The following CAMK1D variants were observed in gnomAD, a reference collection of about 807,000 sequenced individuals.
CAMK1D encodes calcium/calmodulin dependent protein kinase ID.
CAMK1D carries 9 observed loss-of-function variants against 47.7 expected under a neutral mutation model. That is an observed-to-expected ratio of 0.19 (90% CI 0.11 to 0.33). The LOEUF is 0.33. Ranked by LOEUF, CAMK1D falls within the 10% of genes least tolerant of loss-of-function variation. The pLI, the probability that CAMK1D is intolerant of heterozygous loss-of-function variation, is 1.00. For synonymous variants in CAMK1D, 184 were observed against 184.9 expected (o/e 0.99, Z 0.04); for missense variants, 291 against 488.7 (o/e 0.60, Z 3.81).
chr10:12,655,649 A>G (rs887021292), intron 2 of CAMK1D, among the ~76,000 whole-genome samples: 8 of 152,218 alleles, frequency 5.3e-5, no homozygotes, highest in African/African-American at 1.7e-4. Flanking sequence ...GATTTTTCAC[A>G]CTGAACTGGA....
chr10:12,753,187 G>C (rs569428930), intron 3 of CAMK1D, among the ~76,000 whole-genome samples: 2 of 152,348 alleles, frequency 1.3e-5, no homozygotes, highest in East Asian at 1.9e-4. Flanking sequence ...GGGAGGCAGA[G>C]GTTGCAGTGA....
chr10:12,712,193 G>T (rs962757435), intron 3 of CAMK1D, among the ~76,000 whole-genome samples: 1 of 152,182 alleles, frequency 6.6e-6, no homozygotes, highest in Non-Finnish European at 1.5e-5. Context: ...GGGAAGCTCC[G>T]CTCTCCTTCA....
chr10:12,593,609 C>A (rs745738720), intron 2 of CAMK1D, among the ~76,000 whole-genome samples: 3 of 152,108 alleles, frequency 2.0e-5, no homozygotes, highest in Non-Finnish European at 2.9e-5. Flanking sequence ...AACAAACAAA[C>A]AAAAATCAGA....
intron 5 of CAMK1D, among the ~76,000 whole-genome samples, chr10:12,789,142 C>A (rs1041772578): frequency 6.6e-6 from 1 of 152,186 alleles, no homozygotes; most frequent in Non-Finnish European, 1.5e-5. Flanking sequence ...TGTGTCCAAC[C>A]CCCGGAGGAC....
chr10:12,378,038 G>A (rs1184204392), intron 1 of CAMK1D, among the ~76,000 whole-genome samples: 2 of 152,160 alleles, frequency 1.3e-5, no homozygotes, highest in African/African-American at 2.4e-5. Context: ...CCAGGCATGC[G>A]GCCCAGCTCA....
At chr10:12,693,988 TAC>T (rs1217707609) in intron 3 of CAMK1D, among the ~76,000 whole-genome samples, 10 of 56,502 alleles carry the variant, frequency 1.8e-4, no homozygotes, top group South Asian at 1.2e-3. Flanking sequence ...ATATTATATA[TAC>T]ATATAATATA....
chr10:12,437,139 A>ATCTG (rs1449946827), intron 1 of CAMK1D, among the ~76,000 whole-genome samples: 3 of 150,318 alleles, frequency 2.0e-5, no homozygotes, highest in South Asian at 2.1e-4. Flanking sequence ...CAGACCGACT[A>ATCTG]TCTATCTATC....
chr10:12,619,786 A>T (rs138786583), intron 2 of CAMK1D, among the ~76,000 whole-genome samples: 1 of 152,192 alleles, frequency 6.6e-6, no homozygotes, highest in African/African-American at 2.4e-5. Flanking sequence ...TACAAGCAGG[A>T]TACAAAAGCT....
rs79717241 is a variant in CAMK1D, at chr10:12,794,960, G to A, written c.641+3727G>A. ...GGTTGGTACTCTGTTGAGAGGCATC[G>A]AGTCTGTATCATCTTTCCATGTTTC... On this transcript the variant is annotated intron_variant, in intron 6 of 10. Coordinates refer to ENST00000619168, the MANE Select transcript of CAMK1D (RefSeq NM_153498.4). 6.6e-3 allele frequency among the ~76,000 whole-genome samples: 1,009 copies of A among 152,240 alleles called. 6 individuals carry two copies. The highest frequency in any genetic ancestry group is 0.034 in the Middle Eastern group (10 of 294).
intron 1 of CAMK1D, among the ~76,000 whole-genome samples, chr10:12,474,858 C>T (rs578091789): frequency 2.4e-5 from 3 of 122,914 alleles, no homozygotes; most frequent in East Asian, 3.3e-4. Flanking sequence ...TTTGGTTTTG[C>T]GTTCCTGCAT....
intron 2 of CAMK1D, among the ~76,000 whole-genome samples, chr10:12,561,641 T>C (rs1205260230): frequency 3.9e-5 from 6 of 152,250 alleles, no homozygotes; most frequent in Admixed American, 3.9e-4. Flanking sequence ...GATCGTTGTT[T>C]ATTTCATCCT....
Position 12,671,145 on chromosome 10 carries a change from A to T in CAMK1D, c.299+4335A>T, listed in dbSNP as rs1470369975. ...ATGTATCAGTACTTCATTCCTTTTT[A>T]TTACCAAATAATATTTTATTATCTG... is the stretch of plus-strand genomic sequence containing the variant. On this transcript the variant is annotated intron_variant, in intron 3 of 10. Transcript: ENST00000619168. 2.0e-5 allele frequency among the ~76,000 whole-genome samples: 3 copies of T among 152,104 alleles called. No individual in the cohort carries two copies. The East Asian group carries it at 5.8e-4, about 29-fold the overall frequency.
intron 1 of CAMK1D, among the ~76,000 whole-genome samples, chr10:12,375,136 C>T (rs1838139463): frequency 1.3e-5 from 2 of 151,924 alleles, no homozygotes; most frequent in East Asian, 1.9e-4. Flanking sequence ...CTGATGCAAC[C>T]GAAATCTTCA....
chr10:12,627,995 C>T (rs895043342), intron 2 of CAMK1D, among the ~76,000 whole-genome samples: 3 of 151,634 alleles, frequency 2.0e-5, no homozygotes, highest in African/African-American at 2.4e-5. Context: ...GCAGGGGAAT[C>T]GCTTGAACCT....
rs141498705 is a variant in CAMK1D, at chr10:12,495,480, C to T, written c.93-57745C>T. ...CTGTTTTAATAGGTCAGTTTTTTTC[C>T]AGTTTTAAAAAATTTTAACTGAATT... On this transcript the variant is annotated intron_variant, in intron 1 of 10. Transcript: ENST00000619168. 3.3e-5 allele frequency among the ~76,000 whole-genome samples: 5 copies of T among 152,236 alleles called. No homozygotes were observed. In the Middle Eastern group the frequency reaches 0.01, roughly 311 times the overall value.
At chr10:12,378,383 C>T (rs1005328296) in intron 1 of CAMK1D, among the ~76,000 whole-genome samples, 2 of 151,946 alleles carry the variant, frequency 1.3e-5, no homozygotes, top group African/African-American at 4.8e-5. Context: ...GTAGCTGGGA[C>T]CACAGGTGCA....
rs146882835 is a variant in CAMK1D, at chr10:12,666,722, AT to A, written c.225-4del. 1,066 of 1,399,544 alleles carry A rather than the reference AT, an allele frequency of 7.6e-4. No homozygotes were observed. Among genetic ancestry groups the A allele is most frequent in the African/African-American group, 2.4e-3 (167 of 68,870 alleles). The allele number at this position is 1,399,544 out of a possible 1,614,324, so 86.7% of individuals were successfully genotyped here. ...ATCATACTCACTATTTTGTGCGTCT[AT>A]TTTTTTTTTCAGGATTAAGCATGAA... On this transcript the variant is annotated splice_polypyrimidine_tract_variant and intron_variant, in intron 2 of 10. Coordinates refer to ENST00000619168, the MANE Select transcript of CAMK1D (RefSeq NM_153498.4).
chr10:12,761,145 C>G lies in CAMK1D; in HGVS notation c.438+59C>G. ...CTCTGCAGCCCGCAATGCACGCGAC[C>G]AAGAGGGCTGATGCCAGTGGGGGCA... On this transcript the variant is annotated intron_variant, in intron 4 of 10. Transcript: ENST00000619168. 4.4e-6 allele frequency: 7 copies of G among 1,580,220 alleles called. No individual in the cohort carries two copies. The South Asian group carries it at 7.9e-5, about 18-fold the overall frequency.
intron 1 of CAMK1D, among the ~76,000 whole-genome samples, chr10:12,473,691 C>T (rs963661147): frequency 7.9e-5 from 12 of 152,134 alleles, no homozygotes; most frequent in African/African-American, 2.4e-4. Context: ...ATGGCGGAGT[C>T]GGCTCTCCCA....
Sources: gnomAD v4.1 joint callset for allele counts (sites outside exome capture counted in the v4.1 genomes callset) on GRCh38, gnomAD v4.1.1 for gene constraint, MANE v1.5 for transcripts, NCBI Gene and HGNC (gene_info 2026-07-23, HGNC 2026-07-21) for gene names.